PKD1L1: variants seen among roughly 807,000 people sequenced by gnomAD.
PKD1L1 encodes polycystin 1 like 1, transient receptor potential channel interacting, also known as polycystin-1-like protein 1.
PKD1L1 carries 236 observed loss-of-function variants against 323.4 expected under a neutral mutation model. The observed-to-expected ratio is 0.73, with a 90% confidence interval of 0.66 to 0.81. The LOEUF is 0.81. Among genes scored for constraint, PKD1L1 ranks in the 40% least tolerant of loss-of-function variants. The pLI is 0.00. For synonymous variants in PKD1L1, 1,344 were observed against 1,335.0 expected, an observed-to-expected ratio of 1.01 and a Z score of -0.15; for missense variants, 3,320 against 3,508.0, an observed-to-expected ratio of 0.95 and a Z score of 1.35.
At chr7:47,830,210 G>A in intron 42 of PKD1L1, 86 bp from the exon 43 acceptor site, 1 of 1,115,358 alleles carries the variant, frequency 9.0e-7, no homozygotes, top group East Asian at 2.4e-5. Context: ...CAGGGACACT[G>A]CCTGAGAGGG....
intron 53 of PKD1L1, among the ~76,000 whole-genome samples, chr7:47,801,233 T>C (rs916575699): frequency 6.6e-6 from 1 of 152,166 alleles, no homozygotes; most frequent in Non-Finnish European, 1.5e-5. Flanking sequence ...ATGGTTGCCA[T>C]GAGGGGGCAG....
chr7:47,904,611 AC>A lies in PKD1L1; in HGVS notation c.1697del (p.Arg566LeufsTer2). The stretch of plus-strand genomic sequence containing the variant: ...TCCTGTTGGAAGCCTTAACCATCAC[AC>A]GATACCTGCAGGATGGGGAAAGGAG... ...KKRLSIPQWY[R>X]VMVKASNRMS... is the part of the protein sequence containing the mutation. On this transcript the variant is annotated frameshift_variant, in exon 12 of 57. Coordinates refer to ENST00000289672, the MANE Select transcript of PKD1L1 (RefSeq NM_138295.5). LOFTEE classifies it high-confidence loss of function. 6.2e-7 allele frequency: 1 copy of A among 1,611,430 alleles called. No homozygotes were observed. Among genetic ancestry groups the A allele is most frequent in the Non-Finnish European group, 8.5e-7 (1 of 1,177,938 alleles).
chr7:47,891,563 G>C (rs1175998318), intron 15 of PKD1L1, among the ~76,000 whole-genome samples: 1 of 152,232 alleles, frequency 6.6e-6, no homozygotes, highest in Non-Finnish European at 1.5e-5. Flanking sequence ...TCTCTGTCTG[G>C]TGTGCAGGCA....
At chr7:47,905,354 A>G (rs1787181614) in intron 10 of PKD1L1, 29 bp from the exon 11 acceptor site, 1 of 1,607,140 alleles carries the variant, frequency 6.2e-7, no homozygotes, top group Non-Finnish European at 8.5e-7. Context: ...AGGTATGTCT[A>G]TGTCAACATA....
rs117669968 is a variant in PKD1L1, at chr7:47,929,934, G to A, written c.738-408C>T. Among the ~76,000 whole-genome samples the A allele has an allele frequency of 7.1e-4, 108 of 152,270 alleles. 1 individual carries two copies. In the East Asian group the frequency reaches 0.017, roughly 23 times the overall value. ...AAGTCACTACTTCCTGTGTTTTTGC[G>A]AAAAGCTCCCCGTGAGGGTGGGTGC... On this transcript the variant is annotated intron_variant, in intron 6 of 56. Coordinates refer to ENST00000289672, the MANE Select transcript of PKD1L1 (RefSeq NM_138295.5).
At chr7:47,831,560 G>T (rs1459368356) in intron 41 of PKD1L1, among the ~76,000 whole-genome samples, 1 of 152,204 alleles carries the variant, frequency 6.6e-6, no homozygotes, top group East Asian at 1.9e-4. Flanking sequence ...GTGAAGCAGA[G>T]GGCCTTCCTA....
rs373128315 is a variant in PKD1L1, at chr7:47,827,299, G to A, written c.6854+51C>T. 104 of 1,447,430 alleles carry A rather than the reference G, an allele frequency of 7.2e-5. No homozygotes were observed. The African/African-American group carries it at 1.2e-3, about 17-fold the overall frequency. 89.7% of individuals were successfully genotyped at this position (1,447,430 alleles called of 1,614,324 possible). A position where few individuals can be genotyped will look rare whatever the true frequency, so the allele number is the denominator to read the frequency against. ...CCAGCGGCAGTGGGGTACTCCCTCC[G>A]AGAAGGGAGCTGGAGTGGAGCAAGC... On this transcript the variant is annotated intron_variant, in intron 45 of 56. Coordinates refer to ENST00000289672, the MANE Select transcript of PKD1L1 (RefSeq NM_138295.5).
At chr7:47,950,331 T>C (rs946693226), upstream of PKD1L1, among the ~76,000 whole-genome samples, 4 of 152,044 alleles carry the variant, frequency 2.6e-5, no homozygotes, top group Non-Finnish European at 5.9e-5. Flanking sequence ...CATTTAAAGT[T>C]TGTGATGTTT....
At chr7:47,775,599 CAT>C (rs1190623779) in intron 56 of PKD1L1, among the ~76,000 whole-genome samples, 3 of 151,518 alleles carry the variant, frequency 2.0e-5, no homozygotes, top group Admixed American at 6.6e-5. Context: ...AAAATGAAAA[CAT>C]ATCATTTTCA....
upstream of PKD1L1, among the ~76,000 whole-genome samples, chr7:47,949,041 T>A (rs540501440): frequency 3.3e-4 from 50 of 152,166 alleles, no homozygotes; most frequent in Non-Finnish European, 6.6e-4. Context: ...AGGGAGAGAC[T>A]GTACATGGAA....
chr7:47,789,642 G>C lies in PKD1L1; in HGVS notation c.8526+2985C>G, dbSNP rs1562930427. On this transcript the variant is annotated intron_variant, in intron 56 of 56. Coordinates refer to ENST00000289672, the MANE Select transcript of PKD1L1 (RefSeq NM_138295.5). ...ACTTAGTTTACTTTTATTTGTTGTTGCTCCACTTTATATACCATGGGATTT... is the reference window on the plus strand; with the variant it reads ...ACTTAGTTTACTTTTATTTGTTGTTCCTCCACTTTATATACCATGGGATTT... Among the ~76,000 whole-genome samples the C allele has an allele frequency of 2.0e-5, 3 of 152,096 alleles. No homozygotes were observed. In the South Asian group the frequency reaches 6.2e-4, roughly 32 times the overall value.
intron 31 of PKD1L1, among the ~76,000 whole-genome samples, chr7:47,852,531 C>T (rs557589683): frequency 7.9e-5 from 12 of 152,272 alleles, no homozygotes; most frequent in East Asian, 5.8e-4. Flanking sequence ...CAGTGTAAGG[C>T]GCGTGTCTGG....
Position 47,877,768 on chromosome 7 carries a change from G to A in PKD1L1, c.3521-137C>T, listed in dbSNP as rs903905441. 8 of 1,036,658 alleles carry A rather than the reference G, an allele frequency of 7.7e-6. No homozygotes were observed. The African/African-American group carries it at 1.3e-4, about 17-fold the overall frequency. 64.2% of individuals were successfully genotyped at this position (1,036,658 alleles called of 1,614,324 possible). A position where few individuals can be genotyped will look rare whatever the true frequency, so the allele number is the denominator to read the frequency against. ...AGACCAGCAGCATCGGACTAACCTG[G>A]GAATTTGTCAGAAATGAAGATTCTG... On this transcript the variant is annotated intron_variant, in intron 21 of 56. Coordinates refer to ENST00000289672, the MANE Select transcript of PKD1L1 (RefSeq NM_138295.5).
chr7:47,954,521 T>G, the PKD1L1 span, among the ~76,000 whole-genome samples: 1 of 152,208 alleles, frequency 6.6e-6, no homozygotes, highest in African/African-American at 2.4e-5. Context: ...TGTGCCCTTC[T>G]GCCAGGGGAC....
intron 13 of PKD1L1, among the ~76,000 whole-genome samples, chr7:47,899,230 T>C (rs929821425): frequency 6.6e-6 from 1 of 152,354 alleles, no homozygotes; most frequent in Admixed American, 6.5e-5. Flanking sequence ...CTCCTTGGCC[T>C]GGCTCTGGCA....
intron 19 of PKD1L1, among the ~76,000 whole-genome samples, chr7:47,882,383 C>A (rs978960485): frequency 2.0e-5 from 3 of 149,016 alleles, no homozygotes; most frequent in African/African-American, 7.4e-5. Context: ...AAATAGGAGA[C>A]ACAGCGTGAA....
chr7:47,862,433 T>C (rs891043771), intron 26 of PKD1L1, among the ~76,000 whole-genome samples: 3 of 152,164 alleles, frequency 2.0e-5, no homozygotes, highest in Non-Finnish European at 2.9e-5. Flanking sequence ...CCCCCGTTCC[T>C]GTATCCATTG....
At chr7:47,933,502 T>G (rs1787811095) in intron 4 of PKD1L1, among the ~76,000 whole-genome samples, 2 of 152,206 alleles carry the variant, frequency 1.3e-5, no homozygotes, top group South Asian at 4.2e-4. Flanking sequence ...TTTCTTTAGG[T>G]CAACAATGTG....
At position 47,792,974 on chromosome 7, in the gene PKD1L1, A is replaced by G. The variant is rs141449525; in HGVS notation, c.8356-177T>C. ...GTGCTGGGCCTACTCTTACATCTCT[A>G]TATCTCAGTTGCTTCAATAATAATG... On this transcript the variant is annotated intron_variant, in intron 55 of 56. Coordinates refer to ENST00000289672, the MANE Select transcript of PKD1L1 (RefSeq NM_138295.5). Among the ~76,000 whole-genome samples the G allele has an allele frequency of 3.0e-3, 455 of 152,110 alleles. 3 individuals carry two copies. Among genetic ancestry groups the G allele is most frequent in the African/African-American group, 0.01 (418 of 41,508 alleles).
Sources: allele counts gnomAD v4.1 joint callset (sites outside exome capture counted in the v4.1 genomes callset), GRCh38; gene constraint gnomAD v4.1.1; transcripts MANE v1.5; gene names NCBI Gene and HGNC (gene_info 2026-07-23, HGNC 2026-07-21).